Variants in YAP1 observed in about 807,000 individuals in gnomAD.
YAP1 encodes Yes1 associated transcriptional regulator, also known as transcriptional coactivator YAP1.
A neutral mutation model predicts 56.9 loss-of-function variants in YAP1; 5 were observed. The observed-to-expected ratio is 0.09, with a 90% CI of 0.05 to 0.18. The LOEUF is 0.18. Ranked by LOEUF, YAP1 falls within the 10% of genes least tolerant of loss-of-function variation. YAP1 has a pLI of 1.00. For missense variants in YAP1, 539 were observed against 651.8 expected, an observed-to-expected ratio of 0.83 and a Z score of 1.88; for synonymous variants, 265 against 248.1, an observed-to-expected ratio of 1.07 and a Z score of -0.64.
chr11:102,202,270 T>C (rs1436315551), intron 4 of YAP1, among the ~76,000 whole-genome samples: 2 of 151,696 alleles, frequency 1.3e-5, no homozygotes, highest in African/African-American at 4.8e-5. Flanking sequence ...TTCAAGCCAT[T>C]CTCCTGCCTC....
At chr11:102,178,239 A>G (rs993685386) in intron 3 of YAP1, among the ~76,000 whole-genome samples, 6 of 152,170 alleles carry the variant, frequency 3.9e-5, no homozygotes, top group African/African-American at 1.4e-4. Context: ...GTTCCTTTAA[A>G]AGGTCATTGA....
chr11:102,127,838 A>G (rs1274188606), intron 2 of YAP1, among the ~76,000 whole-genome samples: 2 of 152,228 alleles, frequency 1.3e-5, no homozygotes, highest in East Asian at 1.9e-4. Flanking sequence ...GCCCAAGACC[A>G]TGGGAATCCA....
At chr11:102,197,533 CCTTT>C (rs1446485399) in intron 4 of YAP1, among the ~76,000 whole-genome samples, 6 of 152,052 alleles carry the variant, frequency 3.9e-5, no homozygotes, top group African/African-American at 1.4e-4. Context: ...GGTGATGACC[CCTTT>C]CTTTTATTTT....
At chr11:102,148,800 G>A (rs1445512305) in intron 2 of YAP1, among the ~76,000 whole-genome samples, 1 of 152,036 alleles carries the variant, frequency 6.6e-6, no homozygotes, top group Non-Finnish European at 1.5e-5. Flanking sequence ...ATTTAATATA[G>A]GAGGAAATGT....
At chr11:102,154,562 A>C (rs762134190) in intron 2 of YAP1, among the ~76,000 whole-genome samples, 123 of 152,288 alleles carry the variant, frequency 8.1e-4, no homozygotes, top group Middle Eastern at 6.8e-3. Context: ...ATATTAATGG[A>C]TGGAAGAATG....
At position 102,223,639 on chromosome 11, in the gene YAP1, C is replaced by T; in HGVS notation, c.1050C>T (p.Ser350=). 1 of 1,614,010 alleles carries T rather than the reference C, an allele frequency of 6.2e-7. No homozygotes were observed. ...TTAATTAGGAGTTAGCCCTGCGTAG[C>T]CAGTTACCAACACTGGAGCAGGATG... ...SPKCQELALR[S]QLPTLEQDGG... is the part of the protein sequence containing the mutation. Residue 350 remains serine, a synonymous_variant, in exon 7 of 9, where the codon AGC becomes AGT. Transcript: ENST00000282441.
chr11:102,170,373 A>G (rs1946834580), intron 3 of YAP1, among the ~76,000 whole-genome samples: 1 of 152,150 alleles, frequency 6.6e-6, no homozygotes, highest in Non-Finnish European at 1.5e-5. Context: ...AGATTATTTC[A>G]GTTTGAGTAT....
intron 6 of YAP1, 36 bp from the exon 7 acceptor site, chr11:102,223,586 A>G: frequency 6.2e-7 from 1 of 1,606,588 alleles, no homozygotes; most frequent in Non-Finnish European, 8.5e-7. Context: ...TGTGTTAATC[A>G]GTAGATTGAT....
chr11:102,129,982 T>A (rs1253618812), intron 2 of YAP1, among the ~76,000 whole-genome samples: 2 of 151,584 alleles, frequency 1.3e-5, no homozygotes, highest in East Asian at 3.9e-4. Flanking sequence ...CTAATTTTTG[T>A]AGAGATGGGG....
intron 4 of YAP1, among the ~76,000 whole-genome samples, chr11:102,193,909 G>T (rs1448933384): frequency 6.6e-6 from 1 of 151,498 alleles, no homozygotes; most frequent in East Asian, 1.9e-4. Flanking sequence ...CGCAATCTTG[G>T]CTCACTGCAA....
chr11:102,194,913 C>A (rs1017528357), intron 4 of YAP1, among the ~76,000 whole-genome samples: 6 of 151,682 alleles, frequency 4.0e-5, no homozygotes, highest in Non-Finnish European at 7.4e-5. Context: ...AGATAATGCC[C>A]CTTTATTTTT....
chr11:102,205,208 A>G (rs1343459820), intron 4 of YAP1, among the ~76,000 whole-genome samples: 2 of 151,994 alleles, frequency 1.3e-5, no homozygotes, highest in Non-Finnish European at 1.5e-5. Context: ...ATGGTGTCAA[A>G]TGAGACAAAT....
intron 4 of YAP1, among the ~76,000 whole-genome samples, chr11:102,199,874 A>T (rs1369033261): frequency 1.3e-5 from 2 of 152,254 alleles, no homozygotes; most frequent in African/African-American, 4.8e-5. Flanking sequence ...GACAATGTTT[A>T]CAAGGATTGA....
rs554847002 is a variant in YAP1, at chr11:102,169,427, G to A, written c.688+6856G>A. 2.0e-5 allele frequency among the ~76,000 whole-genome samples: 3 copies of A among 152,246 alleles called. No homozygotes were observed. In the East Asian group the frequency reaches 5.8e-4, roughly 29 times the overall value. Reference sequence around the variant, plus strand: ...TGGCTCTTCCAAGTAGTTGGTTCCTGATTCTTCTAAAAGTTCTGGATTATT... The same window carrying A: ...TGGCTCTTCCAAGTAGTTGGTTCCTAATTCTTCTAAAAGTTCTGGATTATT... On this transcript the variant is annotated intron_variant, in intron 3 of 8. Coordinates refer to ENST00000282441, the MANE Select transcript of YAP1 (RefSeq NM_001130145.3).
At chr11:102,134,836 G>A (rs960059677) in intron 2 of YAP1, among the ~76,000 whole-genome samples, 2 of 152,152 alleles carry the variant, frequency 1.3e-5, no homozygotes, top group African/African-American at 4.8e-5. Flanking sequence ...AGCCTCCTGA[G>A]TAGCTGGGAT....
intron 2 of YAP1, among the ~76,000 whole-genome samples, chr11:102,125,100 G>A (rs948601736): frequency 4.0e-5 from 6 of 148,490 alleles, no homozygotes; most frequent in Admixed American, 6.7e-5. Context: ...GCAGTGGCAC[G>A]CTCAGGGCTC....
At chr11:102,131,789 G>A (rs1944380457) in intron 2 of YAP1, among the ~76,000 whole-genome samples, 1 of 152,120 alleles carries the variant, frequency 6.6e-6, no homozygotes, top group African/African-American at 2.4e-5. Context: ...TTAAAAAAGG[G>A]TATTGTTTGT....
intron 2 of YAP1, among the ~76,000 whole-genome samples, chr11:102,154,826 G>A (rs985680847): frequency 1.3e-5 from 2 of 152,172 alleles, no homozygotes; most frequent in Non-Finnish European, 2.9e-5. Flanking sequence ...AAACTTGAAT[G>A]TTGCCATAAA....
At chr11:102,185,292 C>T (rs903998744) in intron 3 of YAP1, among the ~76,000 whole-genome samples, 1 of 152,186 alleles carries the variant, frequency 6.6e-6, no homozygotes, top group African/African-American at 2.4e-5. Flanking sequence ...ATAGGAAAAT[C>T]CTTTTAGAGT....
Sources: gnomAD v4.1 joint callset for allele counts (sites outside exome capture counted in the v4.1 genomes callset) on GRCh38, gnomAD v4.1.1 for gene constraint, MANE v1.5 for transcripts, NCBI Gene and HGNC (gene_info 2026-07-23, HGNC 2026-07-21) for gene names.